The following TRIM3 variants were observed in gnomAD, a reference collection of about 807,000 sequenced individuals.
TRIM3 encodes tripartite motif-containing protein 3.
A neutral mutation model predicts 66.6 loss-of-function variants in TRIM3; 13 were observed. The observed-to-expected ratio is 0.20, with a 90% confidence interval of 0.13 to 0.31. The LOEUF (loss-of-function observed/expected upper bound fraction) is 0.31, where lower values mean the gene tolerates loss of function less well. Ranked by LOEUF, TRIM3 falls within the 10% of genes least tolerant of loss-of-function variation. The pLI is 1.00. For missense variants in TRIM3, 711 were observed against 1,020.4 expected, an observed-to-expected ratio of 0.70 and a Z score of 4.13; for synonymous variants, 406 against 411.7, an observed-to-expected ratio of 0.99 and a Z score of 0.17.
intron 1 of TRIM3, 50 bp downstream of exon 1, chr11:6,473,741 G>A (rs1850805827): frequency 1.3e-5 from 2 of 152,336 alleles, no homozygotes; most frequent in Admixed American, 6.5e-5. Context: ...ACCCAGACCC[G>A]GGCTGACAGG....
chr11:6,456,631 C>A lies in TRIM3; in HGVS notation c.1095G>T (p.Glu365Asp). ...GGCGCGTGCCGTCCGGGCCGGTGAT[C>A]TCTGCACGCAGCTCAGCGCTGCCTG... ...VRTGSAELRA[E>D]ITGPDGTRLP... Residue 365 changes from glutamate (E) to aspartate (D), a missense_variant, in exon 6 of 12, where the codon GAG (glutamate) becomes GAT (aspartate). Transcript: ENST00000345851. This position sits in a 1 kb window ranked among gnomAD's most constrained non-coding sequence, Gnocchi z 6.4. The A allele has an allele frequency of 1.2e-6, 2 of 1,612,698 alleles. No homozygotes were observed. The highest frequency in any genetic ancestry group is 2.2e-5 in the South Asian group (2 of 91,054).
intron 1 of TRIM3, among the ~76,000 whole-genome samples, chr11:6,471,375 A>G (rs141904195): frequency 9.7e-4 from 148 of 152,358 alleles, no homozygotes; most frequent in African/African-American, 3.4e-3. Flanking sequence ...TGCAGGTTAC[A>G]GTCTTTGGGC....
chr11:6,448,925 C>G lies in TRIM3; in HGVS notation c.*103G>C. 2 of 1,475,466 alleles carry G rather than the reference C, an allele frequency of 1.4e-6. No homozygotes were observed. The highest frequency in any genetic ancestry group is 1.9e-6 in the Non-Finnish European group (2 of 1,066,290). 91.4% of individuals were successfully genotyped at this position (1,475,466 alleles called of 1,614,324 possible). A position where few individuals can be genotyped will look rare whatever the true frequency, so the allele number is the denominator to read the frequency against. On this transcript the variant is annotated 3_prime_UTR_variant, in exon 12 of 12. Coordinates refer to ENST00000345851, the MANE Select transcript of TRIM3 (RefSeq NM_033278.4). ...CACCGGGTGCACCCATGCCCACAGCCCACATTCAGTGCTGCCAGGTCTGGC... is the reference window on the plus strand; with the variant it reads ...CACCGGGTGCACCCATGCCCACAGCGCACATTCAGTGCTGCCAGGTCTGGC...
Position 6,456,511 on chromosome 11 carries a change from G to A in TRIM3, c.1215C>T (p.Tyr405=), listed in dbSNP as rs766249286. The change falls in exon 6 of 12, where the codon TAC becomes TAT. Residue 405 remains tyrosine (Y), a synonymous_variant. Transcript: ENST00000345851. This position sits in a 1 kb window ranked among gnomAD's most constrained non-coding sequence, Gnocchi z 6.4. ...EGELLLSVLL[Y]GQPVRGSPFR... ...AGGGGCTGCCGCGCACTGGCTGTCC[G>A]TAGAGCAGCACCGAGAGGAGCAGCT... 11 of 1,582,896 alleles carry A rather than the reference G, an allele frequency of 6.9e-6. No homozygotes were observed. The African/African-American group carries it at 9.4e-5, about 14-fold the overall frequency.
intron 1 of TRIM3, among the ~76,000 whole-genome samples, chr11:6,470,021 G>T (rs937146530): frequency 3.3e-5 from 5 of 152,150 alleles, no homozygotes; most frequent in African/African-American, 1.2e-4. Context: ...ATGCCTTGTT[G>T]GTCTTATTAA....
chr11:6,455,638 T>C (rs1192960096), intron 7 of TRIM3, among the ~76,000 whole-genome samples: 1 of 152,122 alleles, frequency 6.6e-6, no homozygotes, highest in Non-Finnish European at 1.5e-5. Context: ...GCCAACCTGA[T>C]AACTGCAGAG....
chr11:6,463,692 C>T (rs753082195), intron 2 of TRIM3, among the ~76,000 whole-genome samples: 23 of 152,032 alleles, frequency 1.5e-4, no homozygotes, highest in Non-Finnish European at 2.5e-4. Flanking sequence ...AGTGGGGTAA[C>T]GGGAGCCAGG....
intron 2 of TRIM3, 37 bp downstream of exon 2, chr11:6,465,528 G>C (rs778780532): frequency 7.6e-5 from 123 of 1,612,012 alleles, no homozygotes; most frequent in Non-Finnish European, 9.7e-5. Context: ...CCTCCCCACA[G>C]GGTCCTCATC....
At position 6,451,456 on chromosome 11, in the gene TRIM3, G is replaced by C. The variant is rs960729432; in HGVS notation, c.1534-18C>G. 1 of 1,613,434 alleles carries C rather than the reference G, an allele frequency of 6.2e-7. No individual in the cohort carries two copies. Among genetic ancestry groups the C allele is most frequent in the Non-Finnish European group, 8.5e-7 (1 of 1,179,504 alleles). ...GAGAAAACCTGGAGCAGAGGAGCAA[G>C]GGGAGGGAGCAGGTAGGAGGGGAGA... On this transcript the variant is annotated intron_variant, in intron 7 of 11. Transcript: ENST00000345851.
chr11:6,458,047 G>C lies in TRIM3; in HGVS notation c.363+18C>G. 1 of 1,586,752 alleles carries C rather than the reference G, an allele frequency of 6.3e-7. No individual in the cohort carries two copies. Among genetic ancestry groups the C allele is most frequent in the Non-Finnish European group, 8.6e-7 (1 of 1,166,110 alleles). The stretch of plus-strand genomic sequence containing the variant: ...CCCACCCCAAGTCCCGGCCTCACTG[G>C]GCCTCGCTTGGGCCCACCTTGCCTT... On this transcript the variant is annotated intron_variant, in intron 3 of 11. Transcript: ENST00000345851. The surrounding 1 kb of genome is among the most constrained non-coding windows in gnomAD (Gnocchi z 6.2).
At position 6,450,567 on chromosome 11, in the gene TRIM3, T is replaced by G; in HGVS notation, c.1925A>C (p.His642Pro). ...GACACTGACCTTCACTGAATGGTTA[T>G]GGAAGTCCGTTACTACAATTTCATT... ...NKNEIVVTDFHNHSVKVYSAD... is the reference protein window; with the variant it reads ...NKNEIVVTDFPNHSVKVYSAD... Residue 642 changes from histidine (H) to proline (P), a missense_variant, in exon 10 of 12, where the codon CAT (histidine) becomes CCT (proline). By Grantham distance (77) the His-to-Pro change is moderately conservative. Coordinates refer to ENST00000345851, the MANE Select transcript of TRIM3 (RefSeq NM_033278.4). This position sits in a 1 kb window ranked among gnomAD's most constrained non-coding sequence, Gnocchi z 4.8. 6.2e-7 allele frequency: 1 copy of G among 1,614,202 alleles called. No individual in the cohort carries two copies. The highest frequency in any genetic ancestry group is 8.5e-7 in the Non-Finnish European group (1 of 1,180,030).
rs1002441002 is a variant in TRIM3, at chr11:6,458,539, C to T, written c.132-243G>A. Among the ~76,000 whole-genome samples, 1 of 152,182 alleles carries T rather than the reference C, an allele frequency of 6.6e-6. No homozygotes were observed. The highest frequency in any genetic ancestry group is 1.5e-5 in the Non-Finnish European group (1 of 68,042). ...GACTATCCACATTCCTCACAGTGTG[C>T]ACACAGGCTCACCTTTCACAGGTGT... On this transcript the variant is annotated intron_variant, in intron 2 of 11. Transcript: ENST00000345851. The surrounding 1 kb of genome is among the most constrained non-coding windows in gnomAD (Gnocchi z 6.2).
chr11:6,451,476 G>A (rs1281141342), intron 7 of TRIM3, 38 bp from the exon 8 acceptor site: 5 of 1,607,358 alleles, frequency 3.1e-6, no homozygotes, highest in Non-Finnish European at 8.5e-7. Flanking sequence ...CAGGTAGGAG[G>A]GGAGACACTG....
chr11:6,449,509 G>A lies in TRIM3; in HGVS notation c.1942-63C>T. 1 of 1,530,828 alleles carries A rather than the reference G, an allele frequency of 6.5e-7. No individual in the cohort carries two copies. Among genetic ancestry groups the A allele is most frequent in the East Asian group, 2.3e-5 (1 of 43,800 alleles). The allele number at this position is 1,530,828 out of a possible 1,614,324, so 94.8% of individuals were successfully genotyped here. Reference sequence around the variant, plus strand: ...TCAGGCAGAGGGTAGGGCTTTGGAGGAGGATAGGGTGAAGCCCCAGGGCTG... The same window carrying A: ...TCAGGCAGAGGGTAGGGCTTTGGAGAAGGATAGGGTGAAGCCCCAGGGCTG... On this transcript the variant is annotated intron_variant, in intron 10 of 11. Transcript: ENST00000345851. This position sits in a 1 kb window ranked among gnomAD's most constrained non-coding sequence, Gnocchi z 5.3.
At chr11:6,461,909 C>T (rs1331818217) in intron 2 of TRIM3, among the ~76,000 whole-genome samples, 3 of 152,076 alleles carry the variant, frequency 2.0e-5, no homozygotes, top group African/African-American at 7.2e-5. Flanking sequence ...AAAATAAAAT[C>T]CAAACACTTT....
intron 7 of TRIM3, among the ~76,000 whole-genome samples, chr11:6,454,007 G>A (rs1401504900): frequency 6.6e-6 from 1 of 152,168 alleles, no homozygotes; most frequent in African/African-American, 2.4e-5. Context: ...GAAGCAAGAG[G>A]AGGACTGCTA....
chr11:6,469,290 T>C (rs1024066948), intron 1 of TRIM3, among the ~76,000 whole-genome samples: 1 of 152,304 alleles, frequency 6.6e-6, no homozygotes, highest in Admixed American at 6.5e-5. Flanking sequence ...GATTGGGCTA[T>C]GTCCAAGGAC....
chr11:6,465,485 C>T, intron 2 of TRIM3, 80 bp downstream of exon 2: 1 of 1,568,698 alleles, frequency 6.4e-7, no homozygotes, highest in Non-Finnish European at 8.7e-7. Context: ...CACATGCTCC[C>T]TCACCCTCCC....
rs1325320528 is a variant in TRIM3, at chr11:6,448,906, G to GT, written c.*121dup. On this transcript the variant is annotated 3_prime_UTR_variant, in exon 12 of 12. Transcript: ENST00000345851. ...GGGGGTAGGAGAGGGAGGGCACCGG[G>GT]TGCACCCATGCCCACAGCCCACATT... The GT allele has an allele frequency of 3.2e-6, 4 of 1,244,634 alleles. No homozygotes were observed. The East Asian group carries it at 9.4e-5, about 29-fold the overall frequency. 77.1% of individuals were successfully genotyped at this position (1,244,634 alleles called of 1,614,324 possible).
Sources: allele counts gnomAD v4.1 joint callset (sites outside exome capture counted in the v4.1 genomes callset), GRCh38; gene constraint gnomAD v4.1.1; non-coding constraint Gnocchi (gnomAD v3.1); transcripts MANE v1.5; gene names NCBI Gene and HGNC (gene_info 2026-07-23, HGNC 2026-07-21).